Variants in GPLD1 observed in about 807,000 individuals in gnomAD.
GPLD1 encodes phosphatidylinositol-glycan-specific phospholipase D.
In GPLD1, 84 loss-of-function variants were observed where a neutral mutation model predicts 112.6. The ratio of observed to expected loss-of-function variants is 0.75; its 90% CI spans 0.63 to 0.89. The LOEUF (loss-of-function observed/expected upper bound fraction) is 0.89, where lower values mean the gene tolerates loss of function less well. GPLD1 is among the 40% of genes least tolerant of loss of function. GPLD1 has a pLI of 0.00. For missense variants in GPLD1, 1,044 were observed against 1,051.5 expected (o/e 0.99, Z 0.10); for synonymous variants, 386 against 403.8 (o/e 0.96, Z 0.53).
intron 20 of GPLD1, 75 bp downstream of exon 20, chr6:24,445,471 C>A: frequency 2.2e-6 from 2 of 927,062 alleles, no homozygotes; most frequent in South Asian, 1.4e-5. Flanking sequence ...CAGATCTCAT[C>A]ACTTTCCTCC....
At chr6:24,483,909 GT>G (rs1216359681) in intron 2 of GPLD1, among the ~76,000 whole-genome samples, 1 of 102,492 alleles carries the variant, frequency 9.8e-6, no homozygotes, top group African/African-American at 4.7e-5. Context: ...ACTTTGTTTT[GT>G]TTTGTTTTGT....
chr6:24,451,776 A>C (rs528050723), intron 14 of GPLD1, among the ~76,000 whole-genome samples: 1 of 152,212 alleles, frequency 6.6e-6, no homozygotes, highest in Non-Finnish European at 1.5e-5. Context: ...AGTGGCATCT[A>C]TAAGTGCTGC....
rs1025383538 is a variant in GPLD1, at chr6:24,462,616, C to G, written c.887+114G>C. ...AATCACACAGCTGCAAGTGACAAAT[C>G]TGGAATTTGAACCTACAGCTGTCTC... On this transcript the variant is annotated intron_variant, in intron 11 of 24. Coordinates refer to ENST00000230036, the MANE Select transcript of GPLD1 (RefSeq NM_001503.4). The G allele has an allele frequency of 1.4e-5, 10 of 693,662 alleles. No individual in the cohort carries two copies. The Admixed American group carries it at 2.3e-4, about 16-fold the overall frequency. 43.0% of individuals were successfully genotyped at this position (693,662 alleles called of 1,614,324 possible). A position where few individuals can be genotyped will look rare whatever the true frequency, so the allele number is the denominator to read the frequency against.
At chr6:24,443,531 G>A (rs1196060731) in intron 20 of GPLD1, among the ~76,000 whole-genome samples, 1 of 152,094 alleles carries the variant, frequency 6.6e-6, no homozygotes, top group Non-Finnish European at 1.5e-5. Flanking sequence ...GCCTCCAGTG[G>A]TATACTGAGT....
Position 24,437,103 on chromosome 6 carries a change from C to T in GPLD1, c.2197+10G>A, listed in dbSNP as rs757376470. On this transcript the variant is annotated intron_variant, in intron 21 of 24. Coordinates refer to ENST00000230036, the MANE Select transcript of GPLD1 (RefSeq NM_001503.4). ...TCAATTCTTGTCAAAGGGTCCTGTT[C>T]CTTTCTTACCTAAGCCATCATCATC... The T allele has an allele frequency of 1.9e-6, 3 of 1,613,036 alleles. No individual in the cohort carries two copies. Among genetic ancestry groups the T allele is most frequent in the African/African-American group, 2.7e-5 (2 of 74,916 alleles).
At chr6:24,474,726 G>A (rs1469055400) in intron 5 of GPLD1, among the ~76,000 whole-genome samples, 1 of 152,116 alleles carries the variant, frequency 6.6e-6, no homozygotes, top group African/African-American at 2.4e-5. Flanking sequence ...CAGATCATGA[G>A]GTCAGGAGAT....
chr6:24,446,985 G>A lies in GPLD1; in HGVS notation c.1679-6C>T, dbSNP rs1400222148. ...TGCCTCCACGTTCAGTTTTTCTAAAGAAGACAACTCATCCTTTTTACTAAT... is the reference window on the plus strand; with the variant it reads ...TGCCTCCACGTTCAGTTTTTCTAAAAAAGACAACTCATCCTTTTTACTAAT... On this transcript the variant is annotated splice_polypyrimidine_tract_variant and splice_region_variant and intron_variant, in intron 17 of 24. Coordinates refer to ENST00000230036, the MANE Select transcript of GPLD1 (RefSeq NM_001503.4). 3 of 1,612,250 alleles carry A rather than the reference G, an allele frequency of 1.9e-6. No individual in the cohort carries two copies. The South Asian group carries it at 3.3e-5, about 18-fold the overall frequency.
At chr6:24,446,108 G>C (rs182582160) in intron 18 of GPLD1, among the ~76,000 whole-genome samples, 4 of 144,980 alleles carry the variant, frequency 2.8e-5, no homozygotes, top group Non-Finnish European at 6.1e-5. Flanking sequence ...TATGGGCTCA[G>C]TGGTGGTCCC....
At chr6:24,440,609 C>T (rs1432028783) in intron 20 of GPLD1, among the ~76,000 whole-genome samples, 1 of 119,664 alleles carries the variant, frequency 8.4e-6, no homozygotes, top group Non-Finnish European at 1.9e-5. Flanking sequence ...AAGCATAATC[C>T]AGGTGTTGTG....
intron 7 of GPLD1, among the ~76,000 whole-genome samples, chr6:24,471,694 C>A (rs1057029627): frequency 6.6e-6 from 1 of 152,104 alleles, no homozygotes; most frequent in African/African-American, 2.4e-5. Flanking sequence ...AAGAGAATAA[C>A]CATTTGCCCT....
Position 24,466,570 on chromosome 6 carries a change from A to ATTGTTTTGTT in GPLD1, c.821+100_821+109dup, listed in dbSNP as rs3830762. ...ATAGGTTAGAAAAGCACTTCATGAGATTGTTTTGTTTTGTTTTTATGTGAT... is the reference window on the plus strand; with the variant it reads ...ATAGGTTAGAAAAGCACTTCATGAGATTGTTTTGTTTTGTTTTGTTTTGTTTTTATGTGAT... On this transcript the variant is annotated intron_variant, in intron 10 of 24. Transcript: ENST00000230036. The ATTGTTTTGTT allele has an allele frequency of 5.1e-6, 4 of 790,288 alleles. No individual in the cohort carries two copies. In the East Asian group the frequency reaches 1.0e-4, roughly 20 times the overall value. 49.0% of individuals were successfully genotyped at this position (790,288 alleles called of 1,614,324 possible). A position where few individuals can be genotyped will look rare whatever the true frequency, so the allele number is the denominator to read the frequency against.
intron 1 of GPLD1, among the ~76,000 whole-genome samples, chr6:24,489,113 CA>C (rs1476113207): frequency 6.6e-6 from 1 of 152,216 alleles, no homozygotes; most frequent in Non-Finnish European, 1.5e-5. Flanking sequence ...GTTCTGCTGC[CA>C]CGTTGCAACC....
At chr6:24,458,632 A>C (rs2744566) in intron 12 of GPLD1, among the ~76,000 whole-genome samples, 1 of 152,106 alleles carries the variant, frequency 6.6e-6, no homozygotes, top group East Asian at 1.9e-4. Context: ...TAATCCCAGC[A>C]CTTTGGGAGG....
At chr6:24,457,884 A>C (rs1031385202) in intron 12 of GPLD1, among the ~76,000 whole-genome samples, 4 of 151,558 alleles carry the variant, frequency 2.6e-5, no homozygotes, top group Non-Finnish European at 4.4e-5. Context: ...AAAAAAAAAA[A>C]CGATATCCTC....
chr6:24,432,247 T>TAAAAAA (rs71002493), intron 24 of GPLD1, among the ~76,000 whole-genome samples: 1 of 90,774 alleles, frequency 1.1e-5, no homozygotes, highest in African/African-American at 4.6e-5. Flanking sequence ...GACTCTGTCT[T>TAAAAAA]AAAAAAAAAA....
At chr6:24,469,122 G>A (rs1422755454) in intron 7 of GPLD1, among the ~76,000 whole-genome samples, 3 of 152,072 alleles carry the variant, frequency 2.0e-5, no homozygotes, top group African/African-American at 7.2e-5. Context: ...CAAAAGTCAG[G>A]AAACAACAGG....
chr6:24,448,158 G>A lies in GPLD1; in HGVS notation c.1497C>T (p.Ser499=), dbSNP rs1251057151. 1.6e-5 allele frequency: 26 copies of A among 1,611,046 alleles called. No homozygotes were observed. The highest frequency in any genetic ancestry group is 1.8e-5 in the Non-Finnish European group (21 of 1,179,248). Residue 499 remains serine (S), a synonymous_variant, in exon 16 of 25, where the codon TCC becomes TCT. Transcript: ENST00000230036. ...FGSKQGGMSS[S]PNITISCQDI... Reference sequence around the variant, plus strand: ...CCTGGCAAGAAATGGTGATGTTAGGGGAAGAAGACATTCCTCCTTGTTTGG... The same window carrying A: ...CCTGGCAAGAAATGGTGATGTTAGGAGAAGAAGACATTCCTCCTTGTTTGG...
intron 14 of GPLD1, 71 bp from the exon 15 acceptor site, chr6:24,449,970 G>T: frequency 9.4e-7 from 1 of 1,069,122 alleles, no homozygotes; most frequent in South Asian, 1.4e-5. Context: ...GACCCCCAGG[G>T]AGTAGAGAGG....
intron 24 of GPLD1, among the ~76,000 whole-genome samples, chr6:24,431,076 C>A (rs765151999): frequency 2.6e-5 from 4 of 152,116 alleles, no homozygotes; most frequent in Non-Finnish European, 5.9e-5. Flanking sequence ...TATAAAGGAT[C>A]CCTGTGATCA....
Sources: gnomAD v4.1 joint callset for allele counts (sites outside exome capture counted in the v4.1 genomes callset) on GRCh38, gnomAD v4.1.1 for gene constraint, MANE v1.5 for transcripts, NCBI Gene and HGNC (gene_info 2026-07-23, HGNC 2026-07-21) for gene names.